The following SAGE1 variants were observed in gnomAD, a reference collection of about 807,000 sequenced individuals.
The protein encoded by SAGE1 is cancer/testis antigen 14.
Under a neutral mutation model 55.4 loss-of-function variants are expected in SAGE1, and 55 were observed. The observed-to-expected ratio is 0.99, with a 90% CI of 0.80 to 1.24. SAGE1 has a LOEUF of 1.24. Among genes scored for constraint, SAGE1 ranks in the 50% most tolerant of loss-of-function variants. The pLI, the probability that SAGE1 is intolerant of heterozygous loss-of-function variation, is 0.00. For synonymous variants in SAGE1, 240 were observed against 244.3 expected, an observed-to-expected ratio of 0.98 and a Z score of 0.17; for missense variants, 710 against 704.4, an observed-to-expected ratio of 1.01 and a Z score of -0.09.
chrX:135,908,336 G>A (rs1402971105), intron 11 of SAGE1, 107 bp downstream of exon 11: 10 of 1,018,205 alleles, frequency 9.8e-6, no homozygotes, highest in Non-Finnish European at 1.3e-5. Context: ...AGTTGAATTT[G>A]TGGGGTCTCA....
chrX:135,896,275 A>G lies in SAGE1; in HGVS notation c.33A>G (p.Pro11=). 1 of 1,206,988 alleles carries G rather than the reference A, an allele frequency of 8.3e-7. No homozygotes were observed. The highest frequency in any genetic ancestry group is 1.1e-6 in the Non-Finnish European group (1 of 891,970). ...CTTCTCCACTTCAAACGAGTCAACCAACTCCACCTGAAGAACTTCATGCTG... is the reference window on the plus strand; with the variant it reads ...CTTCTCCACTTCAAACGAGTCAACCGACTCCACCTGAAGAACTTCATGCTG... MQASPLQTSQ[P]TPPEELHAAA... Residue 11 remains proline, a synonymous_variant, in exon 2 of 20, where the codon CCA becomes CCG. Transcript: ENST00000370709.
chrX:135,906,387 T>A (rs1451330782), intron 6 of SAGE1, 24 bp from the exon 7 acceptor site: 5 of 1,205,980 alleles, frequency 4.1e-6, no homozygotes, highest in Non-Finnish European at 5.6e-6. Flanking sequence ...ACCTCACAGC[T>A]CAACCTCTTC....
At chrX:135,904,651 T>C (rs1189485558) in intron 4 of SAGE1, 82 bp downstream of exon 4, 6 of 591,099 alleles carry the variant, frequency 1.0e-5, no homozygotes, top group African/African-American at 2.3e-5. Context: ...TCCTACTTGG[T>C]TTCCATAAGC....
At chrX:135,908,254 A>C in intron 11 of SAGE1, 25 bp downstream of exon 11, 1 of 1,178,178 alleles carries the variant, frequency 8.5e-7, no homozygotes, top group Non-Finnish European at 1.2e-6. Flanking sequence ...TAGTTGTACT[A>C]TCCTACTTGG....
In SAGE1 at chrX:135,909,689, C is replaced by T. The variant is rs2088859621; in HGVS notation, c.1633C>T (p.Pro545Ser). 2 of 1,198,190 alleles carry T rather than the reference C, an allele frequency of 1.7e-6. No homozygotes were observed. Among genetic ancestry groups the T allele is most frequent in the Admixed American group, 4.5e-5 (2 of 44,907 alleles). The change falls in exon 14 of 20, where the codon CCA (proline) becomes TCA (serine). Residue 545 changes from proline (P) to serine (S), a missense_variant. Transcript: ENST00000370709. ...TGAAGAGAGGATGGAAAATAACCAA[C>T]CACAACCTAGTTATGACTTGTCAAC... The part of the protein sequence containing the change: ...VHEERMENNQ[P>S]QPSYDLSTVL...
At chrX:135,904,268 G>A (rs1603133737) in intron 3 of SAGE1, among the ~76,000 whole-genome samples, 1 of 111,591 alleles carries the variant, frequency 9.0e-6, no homozygotes, top group African/African-American at 3.3e-5. Context: ...ATTCCACTAC[G>A]CACCATATAT....
chrX:135,906,765 A>G (rs373450725), intron 7 of SAGE1, among the ~76,000 whole-genome samples, 161 bp from the exon 8 acceptor site: 1 of 111,109 alleles, frequency 9.0e-6, no homozygotes, highest in Non-Finnish European at 1.9e-5. Context: ...GTTTTGTTGT[A>G]TTGTCTTTCC....
rs781894971 is a variant in SAGE1 at position 135,906,990 on chromosome X, C to A, written c.801C>A (p.Asn267Lys). Residue 267 changes from asparagine to lysine, a missense_variant, in exon 8 of 20, where the codon AAC becomes AAA. Asn to Lys is a moderately conservative substitution (Grantham distance 94). Transcript: ENST00000370709. ...KMEKGQPQPD[N>K]ILSTASTGLI... ...AAAAGGGCCAACCCCAACCTGATAA[C>A]ATCTTGTCAACTGCTTCAACAGGGC... The A allele has an allele frequency of 1.2e-5, 14 of 1,208,109 alleles. No homozygotes were observed. Among genetic ancestry groups the A allele is most frequent in the Non-Finnish European group, 1.6e-5 (14 of 893,567 alleles).
At chrX:135,899,228 A>C (rs1479830967) in intron 2 of SAGE1, among the ~76,000 whole-genome samples, 1 of 112,004 alleles carries the variant, frequency 8.9e-6, no homozygotes, top group Non-Finnish European at 1.9e-5. Flanking sequence ...CAGTTCTCCC[A>C]GCACCATTAA....
At chrX:135,898,315 G>A (rs5929693) in intron 2 of SAGE1, among the ~76,000 whole-genome samples, 24,017 of 111,383 alleles carry the variant, frequency 0.22, 2,008 homozygotes, top group Non-Finnish European at 0.26. Context: ...CACCGCACCC[G>A]GCCGATCTCA....
In SAGE1 at chrX:135,908,075, C is replaced by T. The variant is rs782712531; in HGVS notation, c.1160-14C>T. The T allele has an allele frequency of 1.7e-6, 2 of 1,206,810 alleles. No homozygotes were observed. The highest frequency in any genetic ancestry group is 4.4e-5 in the Admixed American group (2 of 45,521). On this transcript the variant is annotated splice_polypyrimidine_tract_variant and intron_variant, in intron 10 of 19. Transcript: ENST00000370709. ...CACTTACCTCACAGCTCATCAACTA[C>T]ATTTGGTTTCCAGATGCTACCATCA...
intron 3 of SAGE1, among the ~76,000 whole-genome samples, chrX:135,903,037 A>G (rs1442458621): frequency 1.3e-4 from 15 of 111,940 alleles, no homozygotes; most frequent in Non-Finnish European, 2.6e-4. Flanking sequence ...ACAGACCCTG[A>G]ACCGGCTTTG....
intron 9 of SAGE1, 92 bp from the exon 10 acceptor site, chrX:135,907,609 A>G (rs1435475628): frequency 9.6e-7 from 1 of 1,040,236 alleles, no homozygotes; most frequent in African/African-American, 1.9e-5. Flanking sequence ...TTTATGAGTT[A>G]ATTTCCTAGA....
chrX:135,896,859 G>A (rs781784617), intron 2 of SAGE1, among the ~76,000 whole-genome samples: 1 of 111,233 alleles, frequency 9.0e-6, no homozygotes, highest in African/African-American at 3.3e-5. Context: ...GCACCTGGCC[G>A]AACTGATGTT....
At chrX:135,905,016 T>C (rs1278887037) in intron 4 of SAGE1, among the ~76,000 whole-genome samples, 1 of 109,578 alleles carries the variant, frequency 9.1e-6, no homozygotes, top group Non-Finnish European at 1.9e-5. Context: ...TGTGTTTGTT[T>C]ATTAGTTGTA....
Position 135,894,146 on chromosome X carries a change from T to C in SAGE1, c.-1+365T>C, listed in dbSNP as rs192615540. ...TGGAGTGCAATGGCATGATCTTGGC[T>C]CACCCAACCTCCGCCTCCCGGGTTC... On this transcript the variant is annotated intron_variant, in intron 1 of 19. Coordinates refer to ENST00000370709, the MANE Select transcript of SAGE1 (RefSeq NM_001381902.1). Among the ~76,000 whole-genome samples, 493 of 112,133 alleles carry C rather than the reference T, an allele frequency of 4.4e-3. 3 individuals carry two copies. Among genetic ancestry groups the C allele is most frequent in the African/African-American group, 0.014 (429 of 30,882 alleles).
At chrX:135,911,101 A>G (rs1349334586) in intron 16 of SAGE1, 91 bp from the exon 17 acceptor site, 2 of 987,079 alleles carry the variant, frequency 2.0e-6, no homozygotes, top group East Asian at 6.2e-5. Flanking sequence ...GTATGGGATA[A>G]CGTCCTGGAA....
intron 3 of SAGE1, among the ~76,000 whole-genome samples, chrX:135,903,330 G>A (rs1162885012): frequency 3.6e-5 from 4 of 112,646 alleles, no homozygotes; most frequent in Admixed American, 1.9e-4. Flanking sequence ...GTCTCCCACA[G>A]GCCTGTGGAC....
chrX:135,904,030 A>G lies in SAGE1; in HGVS notation c.221-447A>G, dbSNP rs182823710. Among the ~76,000 whole-genome samples, 39 of 111,711 alleles carry G rather than the reference A, an allele frequency of 3.5e-4. 1 individual carries two copies. The highest frequency in any genetic ancestry group is 9.2e-3 in the Middle Eastern group (2 of 218). ...TACACAGCTGTCCCTCTGGGGGAGG[A>G]TGGGACAAAACACACCTATCTTGCA... On this transcript the variant is annotated intron_variant, in intron 3 of 19. Coordinates refer to ENST00000370709, the MANE Select transcript of SAGE1 (RefSeq NM_001381902.1).
Sources: gnomAD v4.1 joint callset for allele counts (sites outside exome capture counted in the v4.1 genomes callset) on GRCh38, gnomAD v4.1.1 for gene constraint, MANE v1.5 for transcripts, NCBI Gene and HGNC (gene_info 2026-07-23, HGNC 2026-07-21) for gene names.